The following NKAIN2 variants were observed in gnomAD, a reference collection of about 807,000 sequenced individuals.
The protein encoded by NKAIN2 is sodium/potassium-transporting ATPase subunit beta-1-interacting protein 2.
NKAIN2 carries 14 observed loss-of-function variants against 32.6 expected under a neutral mutation model. The ratio of observed to expected loss-of-function variants is 0.43; its 90% CI spans 0.28 to 0.67. The LOEUF is 0.67. Ranked by LOEUF, NKAIN2 falls within the 30% of genes least tolerant of loss-of-function variation. NKAIN2 has a pLI of 0.17. For missense variants in NKAIN2, 198 were observed against 258.3 expected (o/e 0.77, Z 1.60); for synonymous variants, 80 against 87.2 (o/e 0.92, Z 0.46).
At chr6:124,379,177 GAAGA>G (rs1800137961) in intron 3 of NKAIN2, among the ~76,000 whole-genome samples, 1 of 7,894 alleles carries the variant, frequency 1.3e-4, no homozygotes, top group Non-Finnish European at 2.9e-4. Flanking sequence ...GGGAGGGAGG[GAAGA>G]GGAGGGGAGG....
intron 3 of NKAIN2, among the ~76,000 whole-genome samples, chr6:124,615,586 C>A (rs1185132908): frequency 6.6e-6 from 1 of 152,120 alleles, no homozygotes; most frequent in Non-Finnish European, 1.5e-5. Flanking sequence ...GATTTTAAAG[C>A]AGTTCTTATA....
At chr6:124,037,532 T>TA (rs1781658661) in intron 1 of NKAIN2, among the ~76,000 whole-genome samples, 1 of 152,116 alleles carries the variant, frequency 6.6e-6, no homozygotes, top group Admixed American at 6.6e-5. Context: ...TGTCTCATTT[T>TA]AAAAAAATTC....
chr6:123,910,208 C>T (rs1325916188), intron 1 of NKAIN2, among the ~76,000 whole-genome samples: 1 of 152,104 alleles, frequency 6.6e-6, no homozygotes, highest in Non-Finnish European at 1.5e-5. Flanking sequence ...ATGTCTCCGG[C>T]TTGTTGTAAA....
intron 1 of NKAIN2, among the ~76,000 whole-genome samples, chr6:124,222,192 G>A (rs9482519): frequency 0.031 from 4,773 of 152,206 alleles, 259 homozygotes; most frequent in African/African-American, 0.11. Context: ...TGGATGTTAA[G>A]GGGTGAATTT....
At chr6:124,608,922 A>C (rs1259736163) in intron 3 of NKAIN2, among the ~76,000 whole-genome samples, 1 of 152,190 alleles carries the variant, frequency 6.6e-6, no homozygotes, top group South Asian at 2.1e-4. Context: ...CGAGGTAGGC[A>C]ATATATGTAT....
intron 3 of NKAIN2, among the ~76,000 whole-genome samples, chr6:124,422,700 C>A (rs1245298962): frequency 6.6e-6 from 1 of 152,200 alleles, no homozygotes; most frequent in Non-Finnish European, 1.5e-5. Context: ...AGCTTACTTG[C>A]AATCTGGATC....
At chr6:124,706,189 A>G (rs919573082) in intron 4 of NKAIN2, among the ~76,000 whole-genome samples, 2 of 152,122 alleles carry the variant, frequency 1.3e-5, no homozygotes, top group Non-Finnish European at 2.9e-5. Flanking sequence ...ATAATTAATA[A>G]TAATAATACT....
intron 4 of NKAIN2, among the ~76,000 whole-genome samples, chr6:124,729,131 G>T (rs995329892): frequency 6.6e-6 from 1 of 152,142 alleles, no homozygotes; most frequent in African/African-American, 2.4e-5. Context: ...CCAGAAGTAT[G>T]AGGAGGAACT....
rs921685204 is a variant in NKAIN2 at position 124,111,850 on chromosome 6, A to ATG, written c.55-171142_55-171141dup. Among the ~76,000 whole-genome samples the ATG allele has an allele frequency of 5.0e-4, 75 of 150,834 alleles. No individual in the cohort carries two copies. The East Asian group carries it at 7.4e-3, about 15-fold the overall frequency. ...TTTTGTGTAAATTTTACAGATTTGT[A>ATG]TGTGTGTGTGTGTGGTTACCTTGCT... is the stretch of plus-strand genomic sequence containing the variant. On this transcript the variant is annotated intron_variant, in intron 1 of 6. Coordinates refer to ENST00000368417, the MANE Select transcript of NKAIN2 (RefSeq NM_001040214.3).
At chr6:124,796,220 C>T (rs1482528295) in intron 5 of NKAIN2, among the ~76,000 whole-genome samples, 1 of 152,172 alleles carries the variant, frequency 6.6e-6, no homozygotes, top group Non-Finnish European at 1.5e-5. Flanking sequence ...GAAATTTGCT[C>T]TCCAAAATCT....
intron 3 of NKAIN2, among the ~76,000 whole-genome samples, chr6:124,541,941 G>A (rs537182905): frequency 3.9e-5 from 6 of 151,962 alleles, no homozygotes; most frequent in Non-Finnish European, 8.8e-5. Flanking sequence ...TAATATATAT[G>A]CCTATTTTTA....
At chr6:124,293,956 C>T (rs1426618613) in intron 2 of NKAIN2, among the ~76,000 whole-genome samples, 2 of 152,058 alleles carry the variant, frequency 1.3e-5, no homozygotes, top group Non-Finnish European at 2.9e-5. Flanking sequence ...TAATGTGAAT[C>T]AATGAATTGT....
At chr6:124,013,626 A>G (rs1407193871) in intron 1 of NKAIN2, among the ~76,000 whole-genome samples, 1 of 152,164 alleles carries the variant, frequency 6.6e-6, no homozygotes, top group African/African-American at 2.4e-5. Context: ...GATGTCTACG[A>G]CCTAATCCCC....
intron 3 of NKAIN2, among the ~76,000 whole-genome samples, chr6:124,398,089 T>C (rs1291121210): frequency 6.6e-6 from 1 of 150,922 alleles, no homozygotes; most frequent in Non-Finnish European, 1.5e-5. Context: ...CCATCTGTAC[T>C]AAAACTACAA....
chr6:124,089,764 A>C (rs1271186939), intron 1 of NKAIN2, among the ~76,000 whole-genome samples: 2 of 151,938 alleles, frequency 1.3e-5, no homozygotes, highest in Non-Finnish European at 2.9e-5. Context: ...TTATCTAGTG[A>C]CTGACTGTCA....
rs76272506 is a variant in NKAIN2 at position 124,401,609 on chromosome 6, A to C, written c.273+46262A>C. 9.6e-3 allele frequency among the ~76,000 whole-genome samples: 1,455 copies of C among 152,270 alleles called. 4 individuals carry two copies. The highest frequency in any genetic ancestry group is 0.015 in the Non-Finnish European group (1,017 of 68,022). On this transcript the variant is annotated intron_variant, in intron 3 of 6. Coordinates refer to ENST00000368417, the MANE Select transcript of NKAIN2 (RefSeq NM_001040214.3). ...CTCTTGGTGTGGTCAGGCTTTTTCC[A>C]TGTTGCCATTTCTGCTGCATATGTT... is the stretch of plus-strand genomic sequence containing the variant.
intron 4 of NKAIN2, among the ~76,000 whole-genome samples, chr6:124,711,925 C>G (rs1176402633): frequency 1.3e-5 from 2 of 152,020 alleles, no homozygotes; most frequent in Non-Finnish European, 2.9e-5. Context: ...TTTTTCTGTT[C>G]TGTTTTTTCC....
chr6:124,538,058 A>T (rs1779781502), intron 3 of NKAIN2, among the ~76,000 whole-genome samples: 1 of 151,972 alleles, frequency 6.6e-6, no homozygotes, highest in African/African-American at 2.4e-5. Context: ...CCAATTATTC[A>T]TTGTCATTAT....
Position 124,142,474 on chromosome 6 carries a change from A to G in NKAIN2, c.55-140531A>G, listed in dbSNP as rs145536627. Among the ~76,000 whole-genome samples the G allele has an allele frequency of 2.3e-3, 347 of 152,326 alleles. 3 individuals carry two copies. Among genetic ancestry groups the G allele is most frequent in the African/African-American group, 8.0e-3 (333 of 41,588 alleles). On this transcript the variant is annotated intron_variant, in intron 1 of 6. Coordinates refer to ENST00000368417, the MANE Select transcript of NKAIN2 (RefSeq NM_001040214.3). The stretch of plus-strand genomic sequence containing the variant: ...TTTTCCCAAGTCATTTAGAGTGAAA[A>G]AGCCCACAGTGTGATTATTGTTTTC...
Sources: gnomAD v4.1 joint callset for allele counts (sites outside exome capture counted in the v4.1 genomes callset) on GRCh38, gnomAD v4.1.1 for gene constraint, MANE v1.5 for transcripts, NCBI Gene and HGNC (gene_info 2026-07-23, HGNC 2026-07-21) for gene names.